The following FANCI variants were observed in gnomAD, a reference collection of about 807,000 sequenced individuals.
The protein encoded by FANCI is FA complementation group I.
In FANCI, 156 loss-of-function variants were observed where a neutral mutation model predicts 176.1. That is an observed-to-expected ratio of 0.89 (90% CI 0.78 to 1.01). The LOEUF is 1.01. FANCI is among the 50% of genes least tolerant of loss of function. The pLI, the probability that FANCI is intolerant of heterozygous loss-of-function variation, is 0.00. For synonymous variants in FANCI, 613 were observed against 541.7 expected (o/e 1.13, Z -1.83); for missense variants, 1,678 against 1,534.1 (o/e 1.09, Z -1.57).
chr15:89,259,391 A>G (rs767894219), intron 3 of FANCI: 4 of 152,818 alleles, frequency 2.6e-5, no homozygotes, highest in African/African-American at 9.6e-5. Flanking sequence ...ACAAAAACAC[A>G]TCTTCCTATT....
chr15:89,304,104 G>T (rs970215554), intron 28 of FANCI, among the ~76,000 whole-genome samples, 189 bp downstream of exon 28: 1 of 152,172 alleles, frequency 6.6e-6, no homozygotes, highest in South Asian at 2.1e-4. Flanking sequence ...TTCACTGGGG[G>T]TGGAGGTAGA....
chr15:89,314,841 C>T (rs1362356119), intron 36 of FANCI, 134 bp downstream of exon 36: 11 of 545,614 alleles, frequency 2.0e-5, no homozygotes, highest in Non-Finnish European at 3.5e-5. Context: ...CCCTCTCCCC[C>T]CCCCCCCCTT....
At chr15:89,298,980 G>A (rs1419891809) in intron 24 of FANCI, among the ~76,000 whole-genome samples, 1 of 151,990 alleles carries the variant, frequency 6.6e-6, no homozygotes, top group African/African-American at 2.4e-5. Context: ...AGACCAGTCT[G>A]GCCAACATGG....
intron 27 of FANCI, among the ~76,000 whole-genome samples, chr15:89,301,664 A>C (rs2054528566): frequency 6.6e-6 from 1 of 152,232 alleles, no homozygotes; most frequent in African/African-American, 2.4e-5. Flanking sequence ...GCAAGAACAT[A>C]CTGCTTTTGT....
rs567193669 is a variant in FANCI at position 89,272,886 on chromosome 15, T to G, written c.883-491T>G. ...TTCACCATGTTGGCCAGACTGATCT[T>G]GAACTCCTGACCTCAAGTGACCCAC... On this transcript the variant is annotated intron_variant, in intron 10 of 37. Coordinates refer to ENST00000310775, the MANE Select transcript of FANCI (RefSeq NM_001113378.2). 2.0e-5 allele frequency among the ~76,000 whole-genome samples: 3 copies of G among 152,204 alleles called. No individual in the cohort carries two copies. In the East Asian group the frequency reaches 5.8e-4, roughly 30 times the overall value.
At chr15:89,288,742 A>G (rs1453347731) in intron 18 of FANCI, among the ~76,000 whole-genome samples, 1 of 150,358 alleles carries the variant, frequency 6.7e-6, no homozygotes, top group Non-Finnish European at 1.5e-5. Context: ...CCTCAGCCCC[A>G]TCCCCAAACG....
chr15:89,268,476 C>T lies in FANCI; in HGVS notation c.833C>T (p.Ala278Val). 1.2e-6 allele frequency: 2 copies of T among 1,614,098 alleles called. No individual in the cohort carries two copies. Among genetic ancestry groups the T allele is most frequent in the Middle Eastern group, 1.6e-4 (1 of 6,062 alleles). The stretch of plus-strand genomic sequence containing the variant: ...ACCATTATTCTACACATTGTGTTTG[C>T]CATCAAATTGGACTATGAACTAGGC... ...EGTIILHIVF[A>V]IKLDYELGRE... Residue 278 changes from alanine to valine, a missense_variant, in exon 10 of 38, where the codon GCC (alanine) becomes GTC (valine). By Grantham distance (64) the Ala-to-Val change is moderately conservative. This residue lies in a region of FANCI where 469 missense variants were observed against 436.9 expected (regional missense o/e 1.07). Transcript: ENST00000310775.
chr15:89,287,336 G>A (rs117972179), intron 18 of FANCI, among the ~76,000 whole-genome samples: 3 of 152,230 alleles, frequency 2.0e-5, no homozygotes, highest in Non-Finnish European at 4.4e-5. Flanking sequence ...ACCTCTGCTC[G>A]CTTCAGCTTT....
intron 34 of FANCI, among the ~76,000 whole-genome samples, chr15:89,310,029 C>T (rs1054292068): frequency 6.6e-6 from 1 of 152,182 alleles, no homozygotes; most frequent in Non-Finnish European, 1.5e-5. Context: ...TAGTAGTTAT[C>T]CCCATATGCA....
chr15:89,303,349 T>A, intron 27 of FANCI, among the ~76,000 whole-genome samples: 1 of 152,246 alleles, frequency 6.6e-6, no homozygotes, highest in Non-Finnish European at 1.5e-5. Flanking sequence ...TCTGAAGACC[T>A]TAAGTCTCCT....
rs139384810 is a variant in FANCI at position 89,255,165 on chromosome 15, G to A, written c.85-3539G>A. Among the ~76,000 whole-genome samples the A allele has an allele frequency of 3.7e-3, 564 of 152,252 alleles. 10 individuals are homozygous for A. Among genetic ancestry groups the A allele is most frequent in the Admixed American group, 0.033 (505 of 15,286 alleles). On this transcript the variant is annotated intron_variant, in intron 2 of 37. Transcript: ENST00000310775. Reference sequence around the variant, plus strand: ...TCTCTGTTGATCATGATAGCCCTGAGGAGTATTGATTAGTTGTTTTGCTGA... The same window carrying A: ...TCTCTGTTGATCATGATAGCCCTGAAGAGTATTGATTAGTTGTTTTGCTGA...
chr15:89,316,902 C>G lies in FANCI; in HGVS notation c.*443C>G, dbSNP rs2055286931. On this transcript the variant is annotated 3_prime_UTR_variant, in exon 38 of 38. Coordinates refer to ENST00000310775, the MANE Select transcript of FANCI (RefSeq NM_001113378.2). ...GAGAGCTCAGAAGTGAGCAAAGGAG[C>G]TTAATGCTAAGGTCAAAAGGAGAGT... 3 of 1,063,624 alleles carry G rather than the reference C, an allele frequency of 2.8e-6. No individual in the cohort carries two copies. Among genetic ancestry groups the G allele is most frequent in the Non-Finnish European group, 4.4e-6 (3 of 678,218 alleles). The allele number at this position is 1,063,624 out of a possible 1,614,324, so 65.9% of individuals were successfully genotyped here.
chr15:89,279,378 G>A (rs555408412), intron 14 of FANCI, among the ~76,000 whole-genome samples: 2 of 152,100 alleles, frequency 1.3e-5, no homozygotes, highest in East Asian at 1.9e-4. Context: ...GGCTGGTCTC[G>A]AACTCCTGAC....
intron 37 of FANCI, among the ~76,000 whole-genome samples, chr15:89,316,085 T>C (rs1414383113): frequency 1.3e-5 from 2 of 152,192 alleles, no homozygotes; most frequent in East Asian, 3.9e-4. Flanking sequence ...CTTTACCCAC[T>C]TGGCAGCTGC....
chr15:89,260,631 T>C (rs2052674260), intron 3 of FANCI, 82 bp from the exon 4 acceptor site: 1 of 1,555,584 alleles, frequency 6.4e-7, no homozygotes, highest in Non-Finnish European at 8.8e-7. Flanking sequence ...TTTTTGTATT[T>C]AACTACAAAC....
intron 10 of FANCI, among the ~76,000 whole-genome samples, chr15:89,271,077 G>A (rs531292539): frequency 1.3e-5 from 2 of 151,920 alleles, no homozygotes; most frequent in South Asian, 4.2e-4. Flanking sequence ...TTTTCCATTT[G>A]ATTGCTGTTT....
At chr15:89,302,114 C>CTG (rs2054544738) in intron 27 of FANCI, among the ~76,000 whole-genome samples, 1 of 152,320 alleles carries the variant, frequency 6.6e-6, no homozygotes, top group Non-Finnish European at 1.5e-5. Context: ...GAGCCCAGGA[C>CTG]TGTGTGCTCC....
intron 27 of FANCI, among the ~76,000 whole-genome samples, chr15:89,302,377 T>G (rs2054555417): frequency 6.6e-6 from 1 of 152,026 alleles, no homozygotes; most frequent in Non-Finnish European, 1.5e-5. Context: ...CTGTTTTTGC[T>G]GCAAAGAGGA....
intron 26 of FANCI, 105 bp from the exon 27 acceptor site, chr15:89,301,221 G>A: frequency 1.2e-6 from 1 of 815,322 alleles, no homozygotes; most frequent in East Asian, 2.4e-5. Flanking sequence ...TGGTAGCTTT[G>A]AATTCTTTCT....
Sources: gnomAD v4.1 joint callset for allele counts (sites outside exome capture counted in the v4.1 genomes callset) on GRCh38, gnomAD v4.1.1 for gene constraint, gnomAD v4.1.1 regional missense constraint, MANE v1.5 for transcripts, NCBI Gene and HGNC (gene_info 2026-07-23, HGNC 2026-07-21) for gene names.